OMA1: variants seen among roughly 807,000 people sequenced by gnomAD.
OMA1 encodes the protein metalloendopeptidase OMA1, mitochondrial.
OMA1 carries 38 observed loss-of-function variants against 30.9 expected under a neutral mutation model. The ratio of observed to expected loss-of-function variants is 1.23; its 90% CI spans 0.95 to 1.61. The LOEUF (loss-of-function observed/expected upper bound fraction) is 1.61, where lower values mean the gene tolerates loss of function less well. Ranked by LOEUF, OMA1 falls within the 40% of genes most tolerant of loss-of-function variation. The pLI is 0.00. For synonymous variants in OMA1, 173 were observed against 121.9 expected (o/e 1.42, Z -2.76); for missense variants, 461 against 349.2 (o/e 1.32, Z -2.55).
At chr1:58,489,634 A>G (rs1422977039) in intron 8 of OMA1, among the ~76,000 whole-genome samples, 2 of 152,214 alleles carry the variant, frequency 1.3e-5, no homozygotes, top group Non-Finnish European at 2.9e-5. Flanking sequence ...GAGAACAGAC[A>G]GACTGCCTCC....
chr1:58,507,631 CATAA>C (rs1275633819), intron 7 of OMA1, among the ~76,000 whole-genome samples: 2 of 151,784 alleles, frequency 1.3e-5, no homozygotes, highest in Non-Finnish European at 2.9e-5. Flanking sequence ...ATATAACAAA[CATAA>C]ATATTATTCA....
At chr1:58,499,420 A>T (rs1295123443) in intron 8 of OMA1, among the ~76,000 whole-genome samples, 1 of 151,720 alleles carries the variant, frequency 6.6e-6, no homozygotes, top group Non-Finnish European at 1.5e-5. Flanking sequence ...AGGACTTCAA[A>T]GCTGCAGTGA....
At chr1:58,497,746 G>A (rs1427677908) in intron 8 of OMA1, among the ~76,000 whole-genome samples, 2 of 152,144 alleles carry the variant, frequency 1.3e-5, no homozygotes, top group Non-Finnish European at 2.9e-5. Context: ...TATCAACAAA[G>A]AAGGTACAAT....
rs191937286 is a variant in OMA1, at chr1:58,545,294, T to C, written c.-17+1409A>G. ...GTGTAAAAATTTTAAAAGAATCCTATTGACACAGAAGGTATAAGCAAAAGC... is the reference window on the plus strand; with the variant it reads ...GTGTAAAAATTTTAAAAGAATCCTACTGACACAGAAGGTATAAGCAAAAGC... On this transcript the variant is annotated intron_variant, in intron 1 of 8. Transcript: ENST00000371226. 2.3e-4 allele frequency among the ~76,000 whole-genome samples: 35 copies of C among 152,310 alleles called. No homozygotes were observed. In the East Asian group the frequency reaches 6.6e-3, roughly 29 times the overall value.
chr1:58,501,928 C>A (rs562769638), intron 8 of OMA1, among the ~76,000 whole-genome samples: 1 of 151,712 alleles, frequency 6.6e-6, no homozygotes, highest in Non-Finnish European at 1.5e-5. Context: ...CTCCTCACTG[C>A]CCCCCACTCC....
At chr1:58,487,595 G>C (rs897195207) in intron 8 of OMA1, among the ~76,000 whole-genome samples, 1 of 152,056 alleles carries the variant, frequency 6.6e-6, no homozygotes, top group East Asian at 1.9e-4. Flanking sequence ...TCCCATCAGG[G>C]CTAGGCGTCC....
intron 1 of OMA1, among the ~76,000 whole-genome samples, chr1:58,541,330 A>C (rs1307165986): frequency 1.1e-4 from 15 of 137,876 alleles, no homozygotes; most frequent in Non-Finnish European, 1.6e-4. Context: ...AAAAAAAAAA[A>C]AAACAGGAAA....
intron 8 of OMA1, among the ~76,000 whole-genome samples, chr1:58,492,932 C>G (rs1007269981): frequency 9.2e-5 from 14 of 152,138 alleles, no homozygotes; most frequent in Admixed American, 7.2e-4. Flanking sequence ...CAGCATCATC[C>G]TGATACCAAA....
Position 58,490,998 on chromosome 1 carries a change from G to A in OMA1, c.1366-9824C>T, listed in dbSNP as rs180790810. Among the ~76,000 whole-genome samples, 821 of 151,242 alleles carry A rather than the reference G, an allele frequency of 5.4e-3. 6 individuals carry two copies. The highest frequency in any genetic ancestry group is 0.019 in the African/African-American group (784 of 41,198). On this transcript the variant is annotated intron_variant, in intron 8 of 8. Coordinates refer to ENST00000371226, the MANE Select transcript of OMA1 (RefSeq NM_145243.5). ...ATTTTTTTGTATTTTTAGTAGAGAC[G>A]GGGTTTCACCATGTTAGCCAGGATG...
chr1:58,542,892 G>A (rs1488116681), intron 1 of OMA1, among the ~76,000 whole-genome samples: 6 of 152,086 alleles, frequency 3.9e-5, no homozygotes, highest in Non-Finnish European at 5.9e-5. Flanking sequence ...ACAGTATTCC[G>A]CACAGGAATA....
intron 8 of OMA1, among the ~76,000 whole-genome samples, chr1:58,488,151 T>C (rs1158534253): frequency 1.3e-5 from 2 of 152,202 alleles, no homozygotes; most frequent in African/African-American, 4.8e-5. Context: ...AAAATATAAC[T>C]ACATCATTAT....
At chr1:58,483,377 C>T (rs1645522241) in intron 8 of OMA1, among the ~76,000 whole-genome samples, 1 of 152,154 alleles carries the variant, frequency 6.6e-6, no homozygotes, top group Non-Finnish European at 1.5e-5. Context: ...GACTTGTAGT[C>T]AGATGCGAGC....
intron 2 of OMA1, 85 bp downstream of exon 2, chr1:58,538,710 T>A (rs1274163793): frequency 1.5e-5 from 9 of 600,846 alleles, no homozygotes; most frequent in Non-Finnish European, 2.3e-5. Flanking sequence ...AATAAAAAAA[T>A]TAATTTCTAA....
chr1:58,504,550 CTA>C (rs1232486632), intron 8 of OMA1, among the ~76,000 whole-genome samples: 1 of 152,076 alleles, frequency 6.6e-6, no homozygotes, highest in East Asian at 1.9e-4. Flanking sequence ...GCTTGGCATA[CTA>C]TATGTTTGTT....
intron 8 of OMA1, among the ~76,000 whole-genome samples, chr1:58,494,837 C>G (rs1645767472): frequency 6.6e-6 from 1 of 152,160 alleles, no homozygotes; most frequent in African/African-American, 2.4e-5. Context: ...TAAACTAGTT[C>G]AAACATTGTG....
chr1:58,528,063 T>A (rs1334215496), intron 6 of OMA1, among the ~76,000 whole-genome samples: 4 of 152,250 alleles, frequency 2.6e-5, no homozygotes, highest in Admixed American at 6.5e-5. Context: ...TAGCCACATG[T>A]CTGTGATGGC....
intron 8 of OMA1, among the ~76,000 whole-genome samples, chr1:58,489,610 G>A (rs1330294435): frequency 1.3e-5 from 2 of 152,188 alleles, no homozygotes; most frequent in African/African-American, 4.8e-5. Context: ...CTCCCAGCAT[G>A]CAGCTTGAGA....
intron 8 of OMA1, among the ~76,000 whole-genome samples, chr1:58,494,970 G>A (rs186823): frequency 0.022 from 3,420 of 152,216 alleles, 129 homozygotes; most frequent in African/African-American, 0.078. Context: ...ACATGCACAC[G>A]TATGTTTATT....
intron 6 of OMA1, among the ~76,000 whole-genome samples, chr1:58,528,510 G>A (rs1465111060): frequency 6.6e-6 from 1 of 152,124 alleles, no homozygotes; most frequent in Non-Finnish European, 1.5e-5. Context: ...TTGTCCTCCA[G>A]GGACATTTAC....
Sources: allele counts gnomAD v4.1 joint callset (sites outside exome capture counted in the v4.1 genomes callset), GRCh38; gene constraint gnomAD v4.1.1; transcripts MANE v1.5; gene names NCBI Gene and HGNC (gene_info 2026-07-23, HGNC 2026-07-21).